The following SMURF1 variants were observed in gnomAD, a reference collection of about 807,000 sequenced individuals.
SMURF1 encodes the protein SMAD specific E3 ubiquitin protein ligase 1.
SMURF1 carries 44 observed loss-of-function variants against 98.0 expected under a neutral mutation model. The ratio of observed to expected loss-of-function variants is 0.45; its 90% CI spans 0.35 to 0.58. SMURF1 has a LOEUF of 0.58. Ranked by LOEUF, SMURF1 falls within the 20% of genes least tolerant of loss-of-function variation. SMURF1 has a pLI of 0.00. For missense variants in SMURF1, 687 were observed against 938.4 expected (o/e 0.73, Z 3.50); for synonymous variants, 396 against 374.9 (o/e 1.06, Z -0.65).
At chr7:99,037,371 A>C (rs1795186081) in intron 14 of SMURF1, among the ~76,000 whole-genome samples, 184 bp from the exon 15 acceptor site, 1 of 152,080 alleles carries the variant, frequency 6.6e-6, no homozygotes, top group Admixed American at 6.5e-5. Context: ...CCCAGTAGCT[A>C]GGATTACAGG....
In SMURF1 at chr7:99,086,288, T is replaced by C. The variant is rs192181906; in HGVS notation, c.56-24451A>G. ...TTGAACCTGGGAGACGGAAGTTTCATTGAGCCAAGATCACACCATTGCACT... is the reference window on the plus strand; with the variant it reads ...TTGAACCTGGGAGACGGAAGTTTCACTGAGCCAAGATCACACCATTGCACT... On this transcript the variant is annotated intron_variant, in intron 1 of 17. Transcript: ENST00000361368. Among the ~76,000 whole-genome samples the C allele has an allele frequency of 4.0e-5, 6 of 151,796 alleles. No individual in the cohort carries two copies. The East Asian group carries it at 9.7e-4, about 25-fold the overall frequency.
chr7:99,050,798 G>T, intron 8 of SMURF1: 1 of 745,010 alleles, frequency 1.3e-6, no homozygotes, highest in Non-Finnish European at 2.1e-6. Context: ...GAATAAAAAG[G>T]AACTAAATAT....
chr7:99,130,126 T>G (rs1350273943), intron 1 of SMURF1, among the ~76,000 whole-genome samples: 2 of 152,156 alleles, frequency 1.3e-5, no homozygotes, highest in Admixed American at 1.3e-4. Flanking sequence ...AAGAATGTAT[T>G]CCTATAATCT....
Position 99,033,199 on chromosome 7 carries a change from A to T in SMURF1, c.2012-78T>A. 3 of 1,435,694 alleles carry T rather than the reference A, an allele frequency of 2.1e-6. No individual in the cohort carries two copies. In the Admixed American group the frequency reaches 5.9e-5, roughly 28 times the overall value. The allele number at this position is 1,435,694 out of a possible 1,614,324, so 88.9% of individuals were successfully genotyped here. ...TCCCGGCCACACAGCCCCCAGGAGC[A>T]GGGCCCTGACCACATTCCCACCCCC... On this transcript the variant is annotated intron_variant, in intron 16 of 17. Transcript: ENST00000361368.
At chr7:99,116,307 C>T (rs2395017) in intron 1 of SMURF1, among the ~76,000 whole-genome samples, 40,921 of 151,930 alleles carry the variant, frequency 0.27, 5,899 homozygotes, top group South Asian at 0.45. Context: ...GAAAAACCCA[C>T]TGCTTAACAT....
intron 1 of SMURF1, among the ~76,000 whole-genome samples, chr7:99,063,428 G>C (rs1027750115): frequency 2.0e-5 from 3 of 149,276 alleles, no homozygotes; most frequent in Admixed American, 1.3e-4. Context: ...GAGTTGCTGG[G>C]ACTACAGGCA....
chr7:99,036,970 G>A, intron 15 of SMURF1, 97 bp downstream of exon 15: 3 of 1,577,320 alleles, frequency 1.9e-6, no homozygotes, highest in Non-Finnish European at 2.6e-6. Context: ...AGGCTTACTA[G>A]AAAGCGGCAC....
At chr7:99,114,837 A>G (rs903325915) in intron 1 of SMURF1, among the ~76,000 whole-genome samples, 1 of 152,128 alleles carries the variant, frequency 6.6e-6, no homozygotes, top group Non-Finnish European at 1.5e-5. Flanking sequence ...TTAGAAATCA[A>G]TAACAGAAGA....
In SMURF1 at chr7:99,030,427, C is replaced by T. The variant is rs866613128; in HGVS notation, c.*157G>A. On this transcript the variant is annotated 3_prime_UTR_variant, in exon 18 of 18. Transcript: ENST00000361368. ...GGGTGGGAGCCACCAACAAAAGTCC[C>T]CCATCCCCCTCCCCCAACAGAAAGG... The T allele has an allele frequency of 6.2e-6, 4 of 645,654 alleles. No homozygotes were observed. Among genetic ancestry groups the T allele is most frequent in the East Asian group, 2.7e-5 (1 of 36,866 alleles). 40.0% of individuals were successfully genotyped at this position (645,654 alleles called of 1,614,324 possible).
At chr7:99,121,213 T>C (rs1584201871) in intron 1 of SMURF1, 1 of 94,436 alleles carries the variant, frequency 1.1e-5, no homozygotes, top group East Asian at 3.0e-4. Flanking sequence ...TCTGAGATGG[T>C]AAGAGTCAAA....
chr7:99,040,284 TACACACACACGCGCGCGC>T (rs1795323519), intron 13 of SMURF1, 76 bp downstream of exon 13: 1 of 1,251,448 alleles, frequency 8.0e-7, no homozygotes, highest in South Asian at 2.3e-5. Flanking sequence ...ATCCCCAAAA[TACACACACACGCGCGCGC>T]GCGCGCACGC....
At position 99,032,753 on chromosome 7, in the gene SMURF1, A is replaced by C. The variant is rs115472365; in HGVS notation, c.2096+284T>G. ...AGAAAGATGTATGTTAAGTTTAGCAATAATGTTGGCCCTCTTACAGGTATT... is the reference window on the plus strand; with the variant it reads ...AGAAAGATGTATGTTAAGTTTAGCACTAATGTTGGCCCTCTTACAGGTATT... On this transcript the variant is annotated intron_variant, in intron 17 of 17. Transcript: ENST00000361368. The C allele has an allele frequency of 1.1e-3, 470 of 427,408 alleles. 1 individual carries two copies. Among genetic ancestry groups the C allele is most frequent in the African/African-American group, 8.7e-3 (434 of 49,918 alleles). The allele number at this position is 427,408 out of a possible 1,614,324, so 26.5% of individuals were successfully genotyped here.
chr7:99,127,319 TAAAAG>T (rs982116971), intron 1 of SMURF1, among the ~76,000 whole-genome samples: 1 of 151,962 alleles, frequency 6.6e-6, no homozygotes, highest in Non-Finnish European at 1.5e-5. Context: ...CCATCTGTGT[TAAAAG>T]AAAAAGAGGG....
chr7:99,059,083 G>GA (rs1193672113), intron 3 of SMURF1, among the ~76,000 whole-genome samples: 183 of 147,596 alleles, frequency 1.2e-3, no homozygotes, highest in African/African-American at 4.4e-3. Context: ...GACTCTGTTT[G>GA]AAAAAAAAAT....
intron 1 of SMURF1, among the ~76,000 whole-genome samples, chr7:99,070,920 T>A (rs1348888318): frequency 2.6e-5 from 4 of 152,168 alleles, no homozygotes; most frequent in Admixed American, 6.5e-5. Flanking sequence ...CACTACTGCC[T>A]GGAAGATCTG....
intron 5 of SMURF1, among the ~76,000 whole-genome samples, chr7:99,056,478 C>T (rs1430638429): frequency 6.6e-6 from 1 of 152,178 alleles, no homozygotes; most frequent in Admixed American, 6.5e-5. Flanking sequence ...CCTGACTGTA[C>T]AAATCATATT....
rs184409325 is a variant in SMURF1, at chr7:99,133,413, G to T, written c.55+10313C>A. On this transcript the variant is annotated intron_variant, in intron 1 of 17. Transcript: ENST00000361368. ...AAAAGAAAAAAAAAAGGTCTCTAAG[G>T]CTGCCATTTAAGGTATAGATTAGAG... Among the ~76,000 whole-genome samples the T allele has an allele frequency of 1.8e-4, 27 of 152,030 alleles. No homozygotes were observed. In the East Asian group the frequency reaches 4.8e-3, roughly 27 times the overall value.
chr7:99,076,080 A>G (rs780606187), intron 1 of SMURF1, among the ~76,000 whole-genome samples: 7 of 151,926 alleles, frequency 4.6e-5, no homozygotes, highest in Non-Finnish European at 1.0e-4. Context: ...CTAATTTTTT[A>G]TTTTTTATAG....
At chr7:99,054,350 AG>A (rs1795831014) in intron 6 of SMURF1, among the ~76,000 whole-genome samples, 1 of 152,084 alleles carries the variant, frequency 6.6e-6, no homozygotes, top group Non-Finnish European at 1.5e-5. Context: ...TCTGTCACCC[AG>A]GCTGGAGTGC....
Sources: allele counts gnomAD v4.1 joint callset (sites outside exome capture counted in the v4.1 genomes callset), GRCh38; gene constraint gnomAD v4.1.1; transcripts MANE v1.5; gene names NCBI Gene and HGNC (gene_info 2026-07-23, HGNC 2026-07-21).